Variants in GLI2 observed in about 807,000 individuals in gnomAD.
The protein encoded by GLI2 is transcription activator GLI2.
In GLI2, 22 loss-of-function variants were observed where a neutral mutation model predicts 78.9. That is an observed-to-expected ratio of 0.28 (90% CI 0.20 to 0.40). The LOEUF is 0.40. Ranked by LOEUF, GLI2 falls within the 10% of genes least tolerant of loss-of-function variation. The probability of loss-of-function intolerance (pLI) is 1.00; values close to 1 mark genes in which losing one functional copy is unlikely to be tolerated. For missense variants in GLI2, 2,097 were observed against 2,213.2 expected, an observed-to-expected ratio of 0.95 and a Z score of 1.05; for synonymous variants, 974 against 963.7, an observed-to-expected ratio of 1.01 and a Z score of -0.20.
intron 2 of GLI2, among the ~76,000 whole-genome samples, chr2:120,843,824 G>A (rs557062747): frequency 3.3e-5 from 5 of 152,208 alleles, no homozygotes; most frequent in East Asian, 1.9e-4. Context: ...ATGCCACCAC[G>A]CTTGGCTAAT....
In GLI2 at chr2:120,990,685, C is replaced by T. The variant is rs757737111; in HGVS notation, c.*10C>T. 23 of 1,608,458 alleles carry T rather than the reference C, an allele frequency of 1.4e-5. No homozygotes were observed. In the South Asian group the frequency reaches 1.4e-4, roughly 10 times the overall value. The stretch of plus-strand genomic sequence containing the variant: ...GAACATGATGACCTAGAGGCCCGAG[C>T]GCCTGGTGCTGAGTGCACCCGGAGG... On this transcript the variant is annotated 3_prime_UTR_variant, in exon 14 of 14. Transcript: ENST00000361492.
In GLI2 at chr2:120,956,550, C is replaced by T. The variant is rs1034952458; in HGVS notation, c.643+1120C>T. 3.3e-5 allele frequency among the ~76,000 whole-genome samples: 5 copies of T among 152,112 alleles called. No homozygotes were observed. The East Asian group carries it at 5.8e-4, about 18-fold the overall frequency. On this transcript the variant is annotated intron_variant, in intron 5 of 13. Coordinates refer to ENST00000361492, the MANE Select transcript of GLI2 (RefSeq NM_001374353.1). The stretch of plus-strand genomic sequence containing the variant: ...TCCCATCCCCCAGTCAGCGCCACTC[C>T]GCCTGCAGGTCCTGGAGCCCTGGCC...
At chr2:120,888,259 G>T (rs1677510526) in intron 2 of GLI2, among the ~76,000 whole-genome samples, 1 of 152,256 alleles carries the variant, frequency 6.6e-6, no homozygotes, top group Admixed American at 6.5e-5. Flanking sequence ...TTGCCAAAAT[G>T]CCCTGCAGTT....
chr2:120,967,274 C>T (rs1681904118), intron 5 of GLI2, among the ~76,000 whole-genome samples: 1 of 152,222 alleles, frequency 6.6e-6, no homozygotes, highest in South Asian at 2.1e-4. Context: ...CTGTGCCCTA[C>T]CATGGGCCAG....
At chr2:120,887,176 A>G (rs1263808330) in intron 2 of GLI2, among the ~76,000 whole-genome samples, 1 of 152,152 alleles carries the variant, frequency 6.6e-6, no homozygotes, top group African/African-American at 2.4e-5. Flanking sequence ...CCACATGGCA[A>G]GTGGTAGATG....
At chr2:120,918,908 T>C (rs895549) in intron 2 of GLI2, among the ~76,000 whole-genome samples, 140,060 of 152,260 alleles carry the variant, frequency 0.92, 64,570 homozygotes, top group East Asian at 1. Flanking sequence ...TATCCCAAGC[T>C]CCTTAGACAA....
chr2:120,961,364 C>T (rs1010586502), intron 5 of GLI2, among the ~76,000 whole-genome samples: 4 of 152,132 alleles, frequency 2.6e-5, no homozygotes, highest in African/African-American at 9.7e-5. Context: ...GGATCCCTTT[C>T]CGAGACAGGA....
rs771471524 is a variant in GLI2 at position 120,989,061 on chromosome 2, C to T, written c.3096C>T (p.Pro1032=). 5.0e-6 allele frequency: 8 copies of T among 1,609,882 alleles called. No individual in the cohort carries two copies. Among genetic ancestry groups the T allele is most frequent in the Non-Finnish European group, 6.8e-6 (8 of 1,179,652 alleles). Residue 1032 remains proline (P), a synonymous_variant, in exon 14 of 14, where the codon CCC becomes CCT. Coordinates refer to ENST00000361492, the MANE Select transcript of GLI2 (RefSeq NM_001374353.1). Reference sequence around the variant, plus strand: ...CGGCAGGAGTGGACGGCGCGGGGCCCGAGGCCGACCTGGGGCTGCCGGAGG... The same window carrying T: ...CGGCAGGAGTGGACGGCGCGGGGCCTGAGGCCGACCTGGGGCTGCCGGAGG... The part of the protein sequence containing the change: ...AVAAGVDGAG[P]EADLGLPEDD...
At chr2:120,824,489 G>A (rs377460010) in intron 2 of GLI2, among the ~76,000 whole-genome samples, 8 of 152,178 alleles carry the variant, frequency 5.3e-5, no homozygotes, top group Non-Finnish European at 8.8e-5. Context: ...TTACGTTCAC[G>A]AGCGCTGGGG....
At chr2:120,953,205 A>G (rs901081261) in intron 4 of GLI2, among the ~76,000 whole-genome samples, 2 of 152,232 alleles carry the variant, frequency 1.3e-5, no homozygotes, top group African/African-American at 4.8e-5. Context: ...AGGTGTCCTT[A>G]CAAGAGACAC....
intron 2 of GLI2, chr2:120,866,859 G>C (rs920936613): frequency 5.9e-5 from 9 of 152,290 alleles, no homozygotes; most frequent in African/African-American, 1.2e-4. Context: ...AACTCGATGA[G>C]TGACATTTCA....
intron 2 of GLI2, among the ~76,000 whole-genome samples, chr2:120,905,896 G>A (rs1383985623): frequency 2.9e-5 from 4 of 135,948 alleles, no homozygotes; most frequent in African/African-American, 1.3e-4. Context: ...ATGGGCCCCA[G>A]TGTCCACCCA....
In GLI2 at chr2:120,955,286, C is replaced by A. The variant is rs769784117; in HGVS notation, c.499C>A (p.Pro167Thr). ...TAAGGAGAGGGGACTGTTTGGCCTTCCTGCTCCAGGCACCACCCCCTCAGA... is the reference window on the plus strand; with the variant it reads ...TAAGGAGAGGGGACTGTTTGGCCTTACTGCTCCAGGCACCACCCCCTCAGA... ...HLKERGLFGL[P>T]APGTTPSDYY... The change falls in exon 5 of 14, where the codon CCT becomes ACT. Residue 167 changes from proline to threonine, a missense_variant. Physicochemically the swap from Pro to Thr is conservative, Grantham distance 38. Transcript: ENST00000361492. 1 of 1,610,494 alleles carries A rather than the reference C, an allele frequency of 6.2e-7. No homozygotes were observed. The highest frequency in any genetic ancestry group is 8.5e-7 in the Non-Finnish European group (1 of 1,178,536).
At chr2:120,794,601 G>A (rs1265128791) in intron 1 of GLI2, among the ~76,000 whole-genome samples, 2 of 152,128 alleles carry the variant, frequency 1.3e-5, no homozygotes, top group Non-Finnish European at 2.9e-5. Context: ...GGGGGGTGTG[G>A]GGTGAAGTGA....
intron 1 of GLI2, among the ~76,000 whole-genome samples, chr2:120,741,723 G>GCGGCCGGGGGACATTCCGTGCCC (rs1349942630): frequency 6.6e-6 from 1 of 152,010 alleles, no homozygotes; most frequent in African/African-American, 2.4e-5. Context: ...CGACCGTGCC[G>GCGGCCGGGGGACATTCCGTGCCC]CGGCCGGGGG....
At chr2:120,955,851 G>A (rs1174298646) in intron 5 of GLI2, among the ~76,000 whole-genome samples, 1 of 152,112 alleles carries the variant, frequency 6.6e-6, no homozygotes, top group East Asian at 1.9e-4. Flanking sequence ...TCTGGGGGGC[G>A]AGTGCTCCAG....
At chr2:120,959,346 A>G (rs570963161) in intron 5 of GLI2, among the ~76,000 whole-genome samples, 1 of 152,152 alleles carries the variant, frequency 6.6e-6, no homozygotes, top group African/African-American at 2.4e-5. Flanking sequence ...CTCCAGCTCC[A>G]GTATGGGGTG....
At chr2:120,964,621 C>T (rs13426821) in intron 5 of GLI2, among the ~76,000 whole-genome samples, 1 of 152,186 alleles carries the variant, frequency 6.6e-6, no homozygotes, top group African/African-American at 2.4e-5. Flanking sequence ...TTTGCCACTG[C>T]GCAAGTAGCA....
chr2:120,949,722 G>A (rs1680885999), intron 3 of GLI2, among the ~76,000 whole-genome samples: 1 of 152,250 alleles, frequency 6.6e-6, no homozygotes, highest in Admixed American at 6.5e-5. Flanking sequence ...AGTCACGTCT[G>A]CTGAAGCTAG....
Sources: gnomAD v4.1 joint callset for allele counts (sites outside exome capture counted in the v4.1 genomes callset) on GRCh38, gnomAD v4.1.1 for gene constraint, MANE v1.5 for transcripts, NCBI Gene and HGNC (gene_info 2026-07-23, HGNC 2026-07-21) for gene names.